RAG1: variants seen among roughly 807,000 people sequenced by gnomAD.
RAG1 encodes V(D)J recombination-activating protein 1.
In RAG1, 35 loss-of-function variants were observed where a neutral mutation model predicts 62.7. The ratio of observed to expected loss-of-function variants is 0.56; its 90% CI spans 0.43 to 0.74. The LOEUF is 0.74. Ranked by LOEUF, RAG1 falls within the 30% of genes least tolerant of loss-of-function variation. The pLI is 0.00. For missense variants in RAG1, 1,169 were observed against 1,278.6 expected, an observed-to-expected ratio of 0.91 and a Z score of 1.31; for synonymous variants, 461 against 470.3, an observed-to-expected ratio of 0.98 and a Z score of 0.26.
chr11:36,576,216 T>G lies in RAG1; in HGVS notation c.2912T>G (p.Phe971Cys). ...GGAAATGAGTCTGGTAACAAACTGT[T>G]TAGGCGCTTCCGGAAAATGAATGCC... ...SEGNESGNKLFRRFRKMNARQ... is the reference protein window; with the variant it reads ...SEGNESGNKLCRRFRKMNARQ... Residue 971 changes from phenylalanine (F) to cysteine (C), a missense_variant, in exon 2 of 2, where the codon TTT becomes TGT. Around this residue, in one of 2 missense-constraint regions of RAG1, gnomAD observed 800 missense variants for 943.3 expected, o/e 0.85. Transcript: ENST00000299440. 6.2e-7 allele frequency: 1 copy of G among 1,614,098 alleles called. No homozygotes were observed. The highest frequency in any genetic ancestry group is 8.5e-7 in the Non-Finnish European group (1 of 1,180,014).
At position 36,557,380 on chromosome 11, in the gene RAG1, G is replaced by GT. The variant is rs369280138; in HGVS notation, c.-411-6005_-411-6004insT. On this transcript the variant is annotated intron_variant and NMD_transcript_variant, in intron 3 of 9. Coordinates refer to the RAG1 transcript ENST00000534663. ...GTGGGAGTGACCCGATTTTCCAGGT[G>GT]CGTCCGTCACCCCTTTCTTTGACTC... Among the ~76,000 whole-genome samples the GT allele has an allele frequency of 1.4e-3, 185 of 128,674 alleles. 1 individual carries two copies. Among genetic ancestry groups the GT allele is most frequent in the African/African-American group, 5.9e-3 (175 of 29,436 alleles). The allele number at this position is 128,674 out of a possible 152,430, so 84.4% of individuals were successfully genotyped here.
intron 3 of RAG1, among the ~76,000 whole-genome samples, chr11:36,545,447 C>A (rs941709936): frequency 2.0e-5 from 3 of 152,118 alleles, no homozygotes; most frequent in African/African-American, 7.2e-5. Flanking sequence ...GAGGGCACAG[C>A]AAGATGGTCA....
intron 2 of RAG1, among the ~76,000 whole-genome samples, chr11:36,535,483 G>A (rs1031625410): frequency 6.6e-6 from 1 of 152,142 alleles, no homozygotes; most frequent in Non-Finnish European, 1.5e-5. Flanking sequence ...TAGGCCAGAT[G>A]TGATAATCCC....
At chr11:36,551,340 A>G (rs2133274556) in intron 3 of RAG1, among the ~76,000 whole-genome samples, 2 of 152,268 alleles carry the variant, frequency 1.3e-5, no homozygotes, top group South Asian at 4.1e-4. Context: ...TAGGGCTACC[A>G]TAACAAAGTA....
Position 36,573,536 on chromosome 11 carries a change from CA to C in RAG1, c.233del (p.Gln78ArgfsTer4). 2 of 1,614,200 alleles carry C rather than the reference CA, an allele frequency of 1.2e-6. No individual in the cohort carries two copies. Among genetic ancestry groups the C allele is most frequent in the Non-Finnish European group, 8.5e-7 (1 of 1,180,046 alleles). ...KADGQKPVPT[Q>X]PLLKAHPKFS... is the part of the protein sequence containing the mutation. ...TGATGGTCAGAAGCCAGTCCCAACT[CA>C]GCCATTGTTAAAAGCCCACCCTAAG... On this transcript the variant is annotated frameshift_variant, in exon 2 of 2. Coordinates refer to ENST00000299440, the MANE Select transcript of RAG1 (RefSeq NM_000448.3). LOFTEE classifies it high-confidence loss of function.
intron 3 of RAG1, among the ~76,000 whole-genome samples, chr11:36,561,790 C>A (rs1157371770): frequency 6.6e-6 from 1 of 152,168 alleles, no homozygotes; most frequent in Admixed American, 6.5e-5. Context: ...TTTCCTTAGT[C>A]TCTAGCTTGT....
chr11:36,562,950 G>T (rs1184505303), intron 3 of RAG1, among the ~76,000 whole-genome samples: 2 of 151,938 alleles, frequency 1.3e-5, no homozygotes, highest in African/African-American at 4.8e-5. Context: ...TCTGTCCTTG[G>T]CTTCCAGACA....
chr11:36,535,765 A>T (rs1484660354), intron 2 of RAG1, among the ~76,000 whole-genome samples: 1 of 151,982 alleles, frequency 6.6e-6, no homozygotes, highest in Non-Finnish European at 1.5e-5. Context: ...ATAAATAAAT[A>T]AAATAAATAA....
chr11:36,517,775 T>C (rs1860015760), intron 1 of RAG1, among the ~76,000 whole-genome samples: 1 of 152,232 alleles, frequency 6.6e-6, no homozygotes, highest in South Asian at 2.1e-4. Flanking sequence ...CAGATTTCTT[T>C]GTGGATTTAC....
Position 36,547,116 on chromosome 11 carries a change from T to G in RAG1, c.-412+11082T>G, listed in dbSNP as rs147991428. Among the ~76,000 whole-genome samples, 115 of 151,614 alleles carry G rather than the reference T, an allele frequency of 7.6e-4. 1 individual carries two copies. The highest frequency in any genetic ancestry group is 2.7e-3 in the African/African-American group (110 of 41,430). ...TGAATGTTGGCCTGTCATGCTAGGT[T>G]GGAGCTAAAGCAGTGTTTAGAGAGA... On this transcript the variant is annotated intron_variant and NMD_transcript_variant, in intron 3 of 9. Transcript: ENST00000534663.
chr11:36,551,554 T>C (rs964329855), intron 3 of RAG1, among the ~76,000 whole-genome samples: 1 of 151,972 alleles, frequency 6.6e-6, no homozygotes, highest in African/African-American at 2.4e-5. Flanking sequence ...TCACCAGTCA[T>C]ATTGAATTAG....
intron 3 of RAG1, among the ~76,000 whole-genome samples, chr11:36,543,993 A>C (rs1419557362): frequency 6.6e-6 from 1 of 152,258 alleles, no homozygotes. Flanking sequence ...AAGATAGTAC[A>C]GAGAATTCTC....
intron 3 of RAG1, among the ~76,000 whole-genome samples, chr11:36,544,633 T>C (rs1318956477): frequency 6.6e-6 from 1 of 152,192 alleles, no homozygotes; most frequent in African/African-American, 2.4e-5. Context: ...TAACAATAAC[T>C]CTTGAAGACC....
chr11:36,519,803 T>TCCACGCCCTCCCACCAAC (rs1860050207), intron 1 of RAG1, among the ~76,000 whole-genome samples: 1 of 151,984 alleles, frequency 6.6e-6, no homozygotes, highest in East Asian at 1.9e-4. Context: ...ACATAACCCC[T>TCCACGCCCTCCCACCAAC]CCACGCCCTC....
At chr11:36,532,607 C>G (rs1379824833) in intron 2 of RAG1, among the ~76,000 whole-genome samples, 1 of 152,100 alleles carries the variant, frequency 6.6e-6, no homozygotes, top group Non-Finnish European at 1.5e-5. Context: ...ATAGAAAATT[C>G]CAGAAATAAA....
At chr11:36,518,431 A>G (rs572484359) in intron 1 of RAG1, among the ~76,000 whole-genome samples, 15 of 152,314 alleles carry the variant, frequency 9.8e-5, no homozygotes, top group African/African-American at 3.6e-4. Context: ...CTTCCACTAT[A>G]GTTGAACTAG....
upstream of RAG1, chr11:36,566,431 T>C (rs1311898339): frequency 6.6e-6 from 1 of 152,266 alleles, no homozygotes; most frequent in Non-Finnish European, 1.5e-5. Context: ...ATTATTATTT[T>C]GCTCTTTCCT....
chr11:36,516,408 G>T (rs1020375117), intron 1 of RAG1, among the ~76,000 whole-genome samples: 115 of 152,316 alleles, frequency 7.6e-4, no homozygotes, highest in African/African-American at 2.7e-3. Context: ...TGCAAGCTCC[G>T]CCTCCCGGGC....
intron 3 of RAG1, among the ~76,000 whole-genome samples, chr11:36,550,298 G>T (rs982754576): frequency 6.6e-6 from 1 of 151,564 alleles, no homozygotes; most frequent in Non-Finnish European, 1.5e-5. Flanking sequence ...TTCCAGTTAA[G>T]AATTGTATAC....
Sources: allele counts gnomAD v4.1 joint callset (sites outside exome capture counted in the v4.1 genomes callset), GRCh38; gene constraint gnomAD v4.1.1; regional missense constraint gnomAD v4.1.1; transcripts MANE v1.5; gene names NCBI Gene and HGNC (gene_info 2026-07-23, HGNC 2026-07-21).